Variants in DGKI observed in about 807,000 individuals in gnomAD.
The protein encoded by DGKI is DAG kinase iota.
Under a neutral mutation model 147.5 loss-of-function variants are expected in DGKI, and 55 were observed. The ratio of observed to expected loss-of-function variants is 0.37; its 90% CI spans 0.30 to 0.47. DGKI has a LOEUF of 0.47. Among genes scored for constraint, DGKI ranks in the 20% least tolerant of loss-of-function variants. DGKI has a pLI of 1.00. For missense variants in DGKI, 1,007 were observed against 1,323.8 expected, an observed-to-expected ratio of 0.76 and a Z score of 3.71; for synonymous variants, 469 against 477.1, an observed-to-expected ratio of 0.98 and a Z score of 0.22.
chr7:137,476,422 T>C (rs756785860), intron 23 of DGKI, among the ~76,000 whole-genome samples: 10 of 152,204 alleles, frequency 6.6e-5, no homozygotes, highest in Non-Finnish European at 1.5e-4. Flanking sequence ...TAAATAAAGC[T>C]TAGACTATTC....
At chr7:137,559,957 C>T (rs574837649) in intron 19 of DGKI, among the ~76,000 whole-genome samples, 4 of 152,086 alleles carry the variant, frequency 2.6e-5, no homozygotes, top group Non-Finnish European at 5.9e-5. Context: ...TATACCCTAT[C>T]CATCTTTTAA....
At chr7:137,396,495 C>T (rs1004828793) in intron 31 of DGKI, among the ~76,000 whole-genome samples, 2 of 152,160 alleles carry the variant, frequency 1.3e-5, no homozygotes, top group Admixed American at 6.5e-5. Flanking sequence ...TCAATAGCAG[C>T]CTTTAGAGAA....
At chr7:137,545,536 T>C (rs188262648) in intron 20 of DGKI, among the ~76,000 whole-genome samples, 2 of 152,240 alleles carry the variant, frequency 1.3e-5, no homozygotes, top group Non-Finnish European at 2.9e-5. Flanking sequence ...CATCCAGAAA[T>C]TGAGGGCTGC....
intron 23 of DGKI, among the ~76,000 whole-genome samples, chr7:137,472,359 T>C (rs1814990380): frequency 8.4e-6 from 1 of 118,862 alleles, no homozygotes; most frequent in African/African-American, 3.9e-5. Flanking sequence ...TATATGTATA[T>C]ATACATATAA....
intron 1 of DGKI, among the ~76,000 whole-genome samples, chr7:137,785,551 G>C (rs1796643944): frequency 6.6e-6 from 1 of 151,330 alleles, no homozygotes; most frequent in Admixed American, 6.6e-5. Context: ...GACATGTAAA[G>C]AAAATTAGTA....
chr7:137,411,243 G>A (rs1400226737), intron 29 of DGKI, among the ~76,000 whole-genome samples: 2 of 152,136 alleles, frequency 1.3e-5, no homozygotes, highest in Non-Finnish European at 2.9e-5. Context: ...CCAGCAGGGG[G>A]TTTGCAGGGG....
At chr7:137,776,092 A>T (rs953539135) in intron 1 of DGKI, among the ~76,000 whole-genome samples, 1 of 152,166 alleles carries the variant, frequency 6.6e-6, no homozygotes, top group Non-Finnish European at 1.5e-5. Flanking sequence ...TCCTGACCTT[A>T]GGTGATCCAC....
chr7:137,844,977 G>A (rs1182755631), intron 1 of DGKI, among the ~76,000 whole-genome samples: 1 of 152,152 alleles, frequency 6.6e-6, no homozygotes, highest in East Asian at 1.9e-4. Context: ...TCATAACTAG[G>A]AAGTAGAACT....
chr7:137,443,875 G>A (rs1399906822), intron 28 of DGKI, among the ~76,000 whole-genome samples: 1 of 152,200 alleles, frequency 6.6e-6, no homozygotes, highest in Non-Finnish European at 1.5e-5. Context: ...AACCAGACGG[G>A]TTGGAACAGA....
intron 30 of DGKI, among the ~76,000 whole-genome samples, chr7:137,401,711 A>G (rs1811768260): frequency 6.6e-6 from 1 of 152,160 alleles, no homozygotes; most frequent in South Asian, 2.1e-4. Context: ...ATAGAAAAGG[A>G]AATCTCAGGT....
chr7:137,811,855 T>C (rs1180771387), intron 1 of DGKI, among the ~76,000 whole-genome samples: 2 of 152,192 alleles, frequency 1.3e-5, no homozygotes, highest in African/African-American at 2.4e-5. Flanking sequence ...ACTCTTGAAG[T>C]ATATAACTTT....
rs148908583 is a variant in DGKI, at chr7:137,467,094, C to T, written c.2444-152G>A. Among the ~76,000 whole-genome samples the T allele has an allele frequency of 3.2e-3, 480 of 152,340 alleles. 1 individual carries two copies. Among genetic ancestry groups the T allele is most frequent in the Non-Finnish European group, 5.0e-3 (340 of 68,026 alleles). ...CCTAAATCTATTAAGAAAACCTCAG[C>T]ACTTCCATGCCTCTGCCACTGCTAT... is the stretch of plus-strand genomic sequence containing the variant. On this transcript the variant is annotated intron_variant, in intron 24 of 32. Coordinates refer to ENST00000614521, the MANE Select transcript of DGKI (RefSeq NM_001321708.2).
chr7:137,654,187 G>A (rs1822136163), intron 5 of DGKI, among the ~76,000 whole-genome samples: 1 of 135,308 alleles, frequency 7.4e-6, no homozygotes, highest in African/African-American at 4.0e-5. Context: ...TCTAGCTTAT[G>A]ATGTATTTAT....
intron 27 of DGKI, among the ~76,000 whole-genome samples, chr7:137,444,937 T>C (rs754113000): frequency 6.6e-6 from 1 of 152,144 alleles, no homozygotes; most frequent in Non-Finnish European, 1.5e-5. Flanking sequence ...TATTCAGAGT[T>C]GTTGAAATTT....
At chr7:137,699,812 T>C (rs1478571780) in intron 1 of DGKI, among the ~76,000 whole-genome samples, 1 of 152,156 alleles carries the variant, frequency 6.6e-6, no homozygotes, top group Non-Finnish European at 1.5e-5. Context: ...TGGACGCCTA[T>C]ACTGTCACAA....
intron 28 of DGKI, among the ~76,000 whole-genome samples, chr7:137,414,437 G>T (rs1348090965): frequency 6.6e-6 from 1 of 151,822 alleles, no homozygotes; most frequent in Non-Finnish European, 1.5e-5. Flanking sequence ...CATTGTAGGT[G>T]CACACCAATT....
intron 1 of DGKI, among the ~76,000 whole-genome samples, chr7:137,751,151 C>T (rs986035727): frequency 2.0e-5 from 3 of 152,206 alleles, no homozygotes; most frequent in African/African-American, 7.2e-5. Context: ...GGTTCTACTT[C>T]AGTAAACATC....
chr7:137,549,342 C>T (rs1320141915), intron 20 of DGKI, among the ~76,000 whole-genome samples: 1 of 152,148 alleles, frequency 6.6e-6, no homozygotes, highest in Non-Finnish European at 1.5e-5. Context: ...AGGGCAGAAC[C>T]ACAAGGAGCA....
intron 1 of DGKI, among the ~76,000 whole-genome samples, chr7:137,759,188 C>T (rs1224343444): frequency 6.6e-6 from 1 of 152,108 alleles, no homozygotes; most frequent in Non-Finnish European, 1.5e-5. Flanking sequence ...TGTTTAGCGC[C>T]TACTTATAAG....
Sources: allele counts gnomAD v4.1 joint callset (sites outside exome capture counted in the v4.1 genomes callset), GRCh38; gene constraint gnomAD v4.1.1; transcripts MANE v1.5; gene names NCBI Gene and HGNC (gene_info 2026-07-23, HGNC 2026-07-21).